Variants in RCOR1 observed in about 807,000 individuals in gnomAD.
RCOR1 encodes REST corepressor.
A neutral mutation model predicts 64.0 loss-of-function variants in RCOR1; 12 were observed. The observed-to-expected ratio is 0.19, with a 90% CI of 0.12 to 0.30. The LOEUF is 0.30. Ranked by LOEUF, RCOR1 falls within the 10% of genes least tolerant of loss-of-function variation. The pLI, the probability that RCOR1 is intolerant of heterozygous loss-of-function variation, is 1.00. For synonymous variants in RCOR1, 279 were observed against 227.2 expected (o/e 1.23, Z -2.05); for missense variants, 502 against 621.2 (o/e 0.81, Z 2.04).
intron 2 of RCOR1, among the ~76,000 whole-genome samples, chr14:102,596,532 A>G (rs1893252011): frequency 6.6e-6 from 1 of 152,038 alleles, no homozygotes; most frequent in Non-Finnish European, 1.5e-5. Context: ...GATCCTTACT[A>G]GTTTTTATTT....
intron 4 of RCOR1, among the ~76,000 whole-genome samples, chr14:102,701,982 A>G (rs1895765982): frequency 6.6e-6 from 1 of 152,204 alleles, no homozygotes; most frequent in African/African-American, 2.4e-5. Flanking sequence ...TTTCTTTTAA[A>G]TATTGTTTGG....
chr14:102,597,996 A>G (rs571445572), intron 2 of RCOR1, among the ~76,000 whole-genome samples: 1 of 151,748 alleles, frequency 6.6e-6, no homozygotes, highest in African/African-American at 2.4e-5. Flanking sequence ...CTAATTTTGT[A>G]TTTTTAGTAG....
chr14:102,602,822 C>CA (rs1207944372), intron 2 of RCOR1, among the ~76,000 whole-genome samples: 2 of 151,594 alleles, frequency 1.3e-5, no homozygotes, highest in African/African-American at 4.8e-5. Flanking sequence ...CCTCCTGTCT[C>CA]AGTTTCCTGA....
intron 2 of RCOR1, among the ~76,000 whole-genome samples, chr14:102,622,736 A>G (rs1893899815): frequency 6.6e-6 from 1 of 151,698 alleles, no homozygotes; most frequent in Admixed American, 6.6e-5. Context: ...CTGCCCCTCC[A>G]TCCCTTTTGT....
intron 4 of RCOR1, among the ~76,000 whole-genome samples, chr14:102,701,829 G>A (rs745628164): frequency 3.2e-4 from 48 of 152,134 alleles, no homozygotes; most frequent in Admixed American, 9.2e-4. Context: ...AGTAGTTCTC[G>A]TAATTCTCGT....
Position 102,628,218 on chromosome 14 carries a change from G to A in RCOR1, c.361+34893G>A, listed in dbSNP as rs570892486. Among the ~76,000 whole-genome samples, 11 of 152,166 alleles carry A rather than the reference G, an allele frequency of 7.2e-5. No homozygotes were observed. The South Asian group carries it at 1.5e-3, about 20-fold the overall frequency. ...TATGAGTCCCACCCACATTAAGGAG[G>A]GCAGTCTGCTTTACTCAGTCCACGG... On this transcript the variant is annotated intron_variant, in intron 2 of 11. Coordinates refer to ENST00000262241, the MANE Select transcript of RCOR1 (RefSeq NM_015156.4).
chr14:102,652,031 T>G (rs968239746), intron 2 of RCOR1, among the ~76,000 whole-genome samples: 3 of 152,322 alleles, frequency 2.0e-5, no homozygotes, highest in Admixed American at 6.5e-5. Flanking sequence ...GAATGTTTTA[T>G]TTTTGTTTAT....
chr14:102,636,667 T>C (rs573621497), intron 2 of RCOR1, among the ~76,000 whole-genome samples: 4 of 152,180 alleles, frequency 2.6e-5, no homozygotes, highest in East Asian at 1.9e-4. Flanking sequence ...GAGTTTCTTA[T>C]TGGTTTATAA....
intron 3 of RCOR1, among the ~76,000 whole-genome samples, chr14:102,683,951 GGCGCCTGGGT>G (rs1895358508): frequency 6.6e-6 from 1 of 152,224 alleles, no homozygotes; most frequent in South Asian, 2.1e-4. Flanking sequence ...AGCTGGGGGA[GGCGCCTGGGT>G]GCGCCGTGAC....
chr14:102,651,536 G>C (rs1013235283), intron 2 of RCOR1, among the ~76,000 whole-genome samples: 1 of 150,374 alleles, frequency 6.7e-6, no homozygotes, highest in African/African-American at 2.5e-5. Flanking sequence ...CTGGGCAACA[G>C]AGTGAGACTC....
At chr14:102,662,418 ACAC>A in intron 2 of RCOR1, 1 of 560,050 alleles carries the variant, frequency 1.8e-6, no homozygotes, top group South Asian at 1.4e-5. Flanking sequence ...TCTACAATGA[ACAC>A]AAGTGTCTTG....
chr14:102,700,663 T>G (rs1895739108), intron 3 of RCOR1, among the ~76,000 whole-genome samples: 1 of 152,242 alleles, frequency 6.6e-6, no homozygotes, highest in Admixed American at 6.5e-5. Flanking sequence ...GCCTTTGTTT[T>G]TCTCTTTTAA....
chr14:102,652,195 C>T (rs1009812993), intron 2 of RCOR1, among the ~76,000 whole-genome samples: 3 of 152,120 alleles, frequency 2.0e-5, no homozygotes, highest in East Asian at 3.9e-4. Flanking sequence ...GCTGTTTAAT[C>T]TCTTTGAAGA....
intron 2 of RCOR1, among the ~76,000 whole-genome samples, chr14:102,675,917 G>A (rs998849696): frequency 2.6e-5 from 4 of 152,084 alleles, no homozygotes; most frequent in African/African-American, 9.7e-5. Context: ...GTAGGTCTAG[G>A]TTGTTGAATA....
intron 2 of RCOR1, among the ~76,000 whole-genome samples, chr14:102,599,324 G>A (rs892956192): frequency 6.6e-6 from 1 of 152,054 alleles, no homozygotes; most frequent in African/African-American, 2.4e-5. Flanking sequence ...AGAGACAAGA[G>A]TTTTGCCACG....
chr14:102,724,322 C>T (rs1299707829), intron 11 of RCOR1, among the ~76,000 whole-genome samples: 1 of 151,974 alleles, frequency 6.6e-6, no homozygotes, highest in Non-Finnish European at 1.5e-5. Context: ...CCCCCTCATA[C>T]CTTTCTTTTC....
At chr14:102,633,894 A>T (rs970784571) in intron 2 of RCOR1, among the ~76,000 whole-genome samples, 1 of 152,178 alleles carries the variant, frequency 6.6e-6, no homozygotes, top group Non-Finnish European at 1.5e-5. Context: ...ATAAAAGAAA[A>T]TTCTAAAATT....
intron 8 of RCOR1, among the ~76,000 whole-genome samples, chr14:102,718,544 A>G (rs1449135968): frequency 7.1e-6 from 1 of 140,534 alleles, no homozygotes; most frequent in East Asian, 2.5e-4. Context: ...CTGTGCCCAC[A>G]GTAAAGTAGA....
intron 2 of RCOR1, among the ~76,000 whole-genome samples, chr14:102,615,129 C>CA (rs1437416611): frequency 3.4e-5 from 1 of 29,264 alleles, no homozygotes; most frequent in Non-Finnish European, 1.0e-4. Flanking sequence ...TAGTGCCCGG[C>CA]CCCCCCGCCC....
Sources: allele counts gnomAD v4.1 joint callset (sites outside exome capture counted in the v4.1 genomes callset), GRCh38; gene constraint gnomAD v4.1.1; transcripts MANE v1.5; gene names NCBI Gene and HGNC (gene_info 2026-07-23, HGNC 2026-07-21).